The following GCLM variants were observed in gnomAD, a reference collection of about 807,000 sequenced individuals.
The protein encoded by GCLM is glutamate--cysteine ligase regulatory subunit.
Under a neutral mutation model 36.0 loss-of-function variants are expected in GCLM, and 15 were observed. The ratio of observed to expected loss-of-function variants is 0.42; its 90% CI spans 0.28 to 0.64. The LOEUF (loss-of-function observed/expected upper bound fraction) is 0.64. GCLM is among the 30% of genes least tolerant of loss of function. GCLM has a pLI of 0.25. For synonymous variants in GCLM, 129 were observed against 122.8 expected (o/e 1.05, Z -0.34); for missense variants, 242 against 325.5 (o/e 0.74, Z 1.97).
chr1:93,905,814 T>C (rs1201887781), intron 1 of GCLM, among the ~76,000 whole-genome samples: 2 of 152,194 alleles, frequency 1.3e-5, no homozygotes, highest in African/African-American at 4.8e-5. Flanking sequence ...TGGCTTCCAA[T>C]ATATTAATTA....
chr1:93,900,468 A>G (rs1656907749), intron 3 of GCLM, among the ~76,000 whole-genome samples: 1 of 152,330 alleles, frequency 6.6e-6, no homozygotes, highest in South Asian at 2.1e-4. Flanking sequence ...GCAATGTGAA[A>G]TTAACAGGAA....
intron 5 of GCLM, 21 bp from the exon 6 acceptor site, chr1:93,894,749 A>G (rs1287319387): frequency 7.4e-6 from 8 of 1,074,978 alleles, no homozygotes; most frequent in Non-Finnish European, 1.0e-5. Context: ...AAATAAAATC[A>G]TGATATCACT....
intron 6 of GCLM, among the ~76,000 whole-genome samples, chr1:93,891,818 G>A (rs936284387): frequency 6.6e-6 from 1 of 152,144 alleles, no homozygotes; most frequent in Admixed American, 6.5e-5. Context: ...AACAGTAAAC[G>A]CTCAATCAAT....
chr1:93,897,829 T>C lies in GCLM; in HGVS notation c.337+10A>G. 2 of 1,503,966 alleles carry C rather than the reference T, an allele frequency of 1.3e-6. No homozygotes were observed. Among genetic ancestry groups the C allele is most frequent in the Non-Finnish European group, 1.8e-6 (2 of 1,112,538 alleles). The allele number at this position is 1,503,966 out of a possible 1,614,324, so 93.2% of individuals were successfully genotyped here. A position where few individuals can be genotyped will look rare whatever the true frequency, so the allele number is the denominator to read the frequency against. ...CCACTATTAAGATAAAAAATTCAGTTTTTGCTTACCCATGTCAACTGCACT... is the reference window on the plus strand; with the variant it reads ...CCACTATTAAGATAAAAAATTCAGTCTTTGCTTACCCATGTCAACTGCACT... On this transcript the variant is annotated intron_variant, in intron 4 of 6. Coordinates refer to ENST00000370238, the MANE Select transcript of GCLM (RefSeq NM_002061.4).
chr1:93,904,018 G>A (rs1428039174), intron 2 of GCLM, among the ~76,000 whole-genome samples: 2 of 152,168 alleles, frequency 1.3e-5, no homozygotes, highest in Non-Finnish European at 2.9e-5. Flanking sequence ...TACTTTTAAA[G>A]TAGCCTAAGT....
Position 93,909,164 on chromosome 1 carries a change from G to A in GCLM, c.-1C>T, listed in dbSNP as rs776063708. On this transcript the variant is annotated 5_prime_UTR_variant, in exon 1 of 7. Transcript: ENST00000370238. Reference sequence around the variant, plus strand: ...TGGCCGCGCGGCTGTCGGTGCCCATGGCAGCGGCCGCCCAGGGGCCGCGCA... The same window carrying A: ...TGGCCGCGCGGCTGTCGGTGCCCATAGCAGCGGCCGCCCAGGGGCCGCGCA... 106 of 1,317,696 alleles carry A rather than the reference G, an allele frequency of 8.0e-5. 1 individual carries two copies. The highest frequency in any genetic ancestry group is 7.3e-5 in the Non-Finnish European group (75 of 1,032,562). 81.6% of individuals were successfully genotyped at this position (1,317,696 alleles called of 1,614,324 possible).
intron 6 of GCLM, among the ~76,000 whole-genome samples, chr1:93,892,283 C>A (rs768687113): frequency 1.6e-4 from 25 of 151,982 alleles, no homozygotes; most frequent in Non-Finnish European, 1.9e-4. Context: ...CAGGGGTAGA[C>A]CTTCAGGGAA....
At chr1:93,897,630 C>A (rs1656780191) in intron 4 of GCLM, among the ~76,000 whole-genome samples, 1 of 151,890 alleles carries the variant, frequency 6.6e-6, no homozygotes. Context: ...TACATTACAC[C>A]TTTTACATTC....
chr1:93,901,715 C>T (rs745453033), intron 2 of GCLM, 46 bp from the exon 3 acceptor site: 2 of 989,064 alleles, frequency 2.0e-6, no homozygotes, highest in Non-Finnish European at 3.1e-6. Context: ...TTTAATGCTT[C>T]TGATTAATTA....
intron 5 of GCLM, among the ~76,000 whole-genome samples, chr1:93,896,183 G>A (rs1273406456): frequency 1.3e-5 from 2 of 151,726 alleles, no homozygotes; most frequent in Non-Finnish European, 1.5e-5. Flanking sequence ...GGCTGGTCTC[G>A]AACTCCTGAC....
In GCLM at chr1:93,888,211, G is replaced by T. The variant is rs1365359763; in HGVS notation, c.*779C>A. The T allele has an allele frequency of 6.6e-6, 1 of 152,098 alleles. No individual in the cohort carries two copies. Among genetic ancestry groups the T allele is most frequent in the Non-Finnish European group, 1.5e-5 (1 of 68,022 alleles). The allele number at this position is 152,098 out of a possible 1,614,324, so 9.4% of individuals were successfully genotyped here. On this transcript the variant is annotated 3_prime_UTR_variant, in exon 7 of 7. Coordinates refer to ENST00000370238, the MANE Select transcript of GCLM (RefSeq NM_002061.4). Reference sequence around the variant, plus strand: ...TACTCAATACTTATTGAGGATTCTTGAATGAGTAGCAATATATACTATGGA... The same window carrying T: ...TACTCAATACTTATTGAGGATTCTTTAATGAGTAGCAATATATACTATGGA...
At chr1:93,895,012 C>CTT (rs562917011) in intron 5 of GCLM, among the ~76,000 whole-genome samples, 12 of 128,060 alleles carry the variant, frequency 9.4e-5, no homozygotes, top group Non-Finnish European at 1.5e-4. Flanking sequence ...CAGTACTACA[C>CTT]TTTTTTTTTT....
At chr1:93,897,640 C>T (rs1409730247) in intron 4 of GCLM, among the ~76,000 whole-genome samples, 199 bp downstream of exon 4, 1 of 151,882 alleles carries the variant, frequency 6.6e-6, no homozygotes, top group Non-Finnish European at 1.5e-5. Flanking sequence ...CTTTTACATT[C>T]CTCTTGCATA....
intron 6 of GCLM, 145 bp downstream of exon 6, chr1:93,894,469 T>G: frequency 2.0e-6 from 1 of 496,622 alleles, no homozygotes; most frequent in South Asian, 3.7e-5. Flanking sequence ...AATGAGGGCA[T>G]ATAGGTTTTG....
rs756206169 is a variant in GCLM, at chr1:93,886,515, T to C, written c.*2475A>G. ...AGTGTTTTAAAAGAGTATTCAATAA[T>C]AGAAAATCAAGAGTAGAGAGGTAAA... is the stretch of plus-strand genomic sequence containing the variant. On this transcript the variant is annotated 3_prime_UTR_variant, in exon 7 of 7. Coordinates refer to ENST00000370238, the MANE Select transcript of GCLM (RefSeq NM_002061.4). 2.6e-5 allele frequency: 4 copies of C among 152,096 alleles called. No individual in the cohort carries two copies. The highest frequency in any genetic ancestry group is 5.9e-5 in the Non-Finnish European group (4 of 67,990). 9.4% of individuals were successfully genotyped at this position (152,096 alleles called of 1,614,324 possible).
In GCLM at chr1:93,887,803, A is replaced by G. The variant is rs924043468; in HGVS notation, c.*1187T>C. On this transcript the variant is annotated 3_prime_UTR_variant, in exon 7 of 7. Coordinates refer to ENST00000370238, the MANE Select transcript of GCLM (RefSeq NM_002061.4). ...AGATTTTTAAAGAAGTTTTCAAACT[A>G]TTCAGGTTACAGACACAAATTTATA... The G allele has an allele frequency of 2.0e-5, 3 of 152,176 alleles. No homozygotes were observed. The highest frequency in any genetic ancestry group is 7.2e-5 in the African/African-American group (3 of 41,444). The allele number at this position is 152,176 out of a possible 1,614,324, so 9.4% of individuals were successfully genotyped here.
At chr1:93,905,632 A>C (rs1368812043) in intron 1 of GCLM, among the ~76,000 whole-genome samples, 2 of 152,234 alleles carry the variant, frequency 1.3e-5, no homozygotes, top group Non-Finnish European at 1.5e-5. Context: ...CAAATATTAT[A>C]GTATGTTGTA....
intron 1 of GCLM, among the ~76,000 whole-genome samples, chr1:93,908,133 T>G (rs1053360891): frequency 7.2e-5 from 11 of 152,226 alleles, no homozygotes; most frequent in African/African-American, 2.4e-4. Context: ...TTAAAGTAAT[T>G]TTCCAAAGTC....
intron 5 of GCLM, among the ~76,000 whole-genome samples, chr1:93,895,806 TA>T: frequency 6.6e-6 from 1 of 152,246 alleles, no homozygotes; most frequent in African/African-American, 2.4e-5. Flanking sequence ...TGGGAATAAT[TA>T]ATTTATGACA....
Sources: allele counts gnomAD v4.1 joint callset (sites outside exome capture counted in the v4.1 genomes callset), GRCh38; gene constraint gnomAD v4.1.1; transcripts MANE v1.5; gene names NCBI Gene and HGNC (gene_info 2026-07-23, HGNC 2026-07-21).